The following LRRC8C variants were observed in gnomAD, a reference collection of about 807,000 sequenced individuals.
LRRC8C encodes the protein leucine rich repeat containing 8 VRAC subunit C, also known as volume-regulated anion channel subunit LRRC8C.
LRRC8C carries 20 observed loss-of-function variants against 55.3 expected under a neutral mutation model. That is an observed-to-expected ratio of 0.36 (90% CI 0.25 to 0.53). The LOEUF (loss-of-function observed/expected upper bound fraction) is 0.53. LRRC8C is among the 20% of genes least tolerant of loss of function. The probability of loss-of-function intolerance (pLI) is 0.92; values close to 1 mark genes in which losing one functional copy is unlikely to be tolerated. For missense variants in LRRC8C, 659 were observed against 951.4 expected (o/e 0.69, Z 4.04); for synonymous variants, 376 against 360.7 (o/e 1.04, Z -0.48).
rs777348875 is a variant in LRRC8C, at chr1:89,713,564, T to C, written c.994T>C (p.Leu332=). Residue 332 remains leucine (L), a synonymous_variant, in exon 3 of 3, where the codon TTG becomes CTG. Transcript: ENST00000370454. This position sits in a 1 kb window ranked among gnomAD's most constrained non-coding sequence, Gnocchi z 5.2. Reference sequence around the variant, plus strand: ...TCTGTGCTTTGTTAGTATCTATGGATTGACGTGCCTTTATACCTTATACTG... The same window carrying C: ...TCTGTGCTTTGTTAGTATCTATGGACTGACGTGCCTTTATACCTTATACTG... ...CYLCFVSIYG[L]TCLYTLYWLF... The C allele has an allele frequency of 1.5e-5, 25 of 1,614,084 alleles. No individual in the cohort carries two copies. The African/African-American group carries it at 3.2e-4, about 21-fold the overall frequency.
At chr1:89,619,832 T>C in the LRRC8C span, among the ~76,000 whole-genome samples, 3 of 152,202 alleles carry the variant, frequency 2.0e-5, no homozygotes, top group Non-Finnish European at 4.4e-5. Context: ...TATTAAATAA[T>C]CTAACCCTCA....
At chr1:89,667,169 C>T (rs1657290627) in intron 1 of LRRC8C, among the ~76,000 whole-genome samples, 1 of 152,056 alleles carries the variant, frequency 6.6e-6, no homozygotes, top group South Asian at 2.1e-4. Flanking sequence ...CCGTTTTCTC[C>T]TCTCTATATG....
chr1:89,686,309 C>G (rs1244914741), intron 1 of LRRC8C, among the ~76,000 whole-genome samples, 161 bp from the exon 2 acceptor site: 1 of 152,186 alleles, frequency 6.6e-6, no homozygotes, highest in Non-Finnish European at 1.5e-5. Context: ...ATTTCCTCAA[C>G]TGGTGATTTT....
Position 89,714,572 on chromosome 1 carries a change from AG to A in LRRC8C, c.2003del (p.Ser668IlefsTer5). 6.2e-7 allele frequency: 1 copy of A among 1,614,172 alleles called. No homozygotes were observed. The highest frequency in any genetic ancestry group is 2.2e-5 in the East Asian group (1 of 44,890). The stretch of plus-strand genomic sequence containing the variant: ...CACCAGCCTGGAACGCCTGTCCTTT[AG>A]TCACAATAAAATAGAGGTGCTGCCT... ...KLTSLERLSFSHNKIEVLPSH... is the reference protein window; with the variant it reads ...KLTSLERLSFXHNKIEVLPSH... On this transcript the variant is annotated frameshift_variant, in exon 3 of 3. Coordinates refer to ENST00000370454, the MANE Select transcript of LRRC8C (RefSeq NM_032270.5). LOFTEE classifies it high-confidence loss of function. This position sits in a 1 kb window ranked among gnomAD's most constrained non-coding sequence, Gnocchi z 4.6.
chr1:89,685,323 G>A (rs1657843610), intron 1 of LRRC8C, among the ~76,000 whole-genome samples: 1 of 108,868 alleles, frequency 9.2e-6, no homozygotes, highest in Non-Finnish European at 1.9e-5. Flanking sequence ...TTTCACGTTA[G>A]CCAGGATGGT....
chr1:89,618,005 C>A, the LRRC8C span, among the ~76,000 whole-genome samples: 19 of 152,234 alleles, frequency 1.2e-4, no homozygotes, highest in South Asian at 3.1e-3. Flanking sequence ...CTCCCCTGAG[C>A]CTTAGAGTCC....
intron 1 of LRRC8C, among the ~76,000 whole-genome samples, chr1:89,662,310 G>T (rs562090181): frequency 6.6e-6 from 1 of 152,354 alleles, no homozygotes; most frequent in African/African-American, 2.4e-5. Flanking sequence ...AGCAAAGCGA[G>T]TGTGCAGGAG....
chr1:89,691,902 T>G (rs1658037065), intron 2 of LRRC8C, among the ~76,000 whole-genome samples: 1 of 152,164 alleles, frequency 6.6e-6, no homozygotes, highest in Non-Finnish European at 1.5e-5. Flanking sequence ...GAATTATAAA[T>G]TAAAATTTTA....
chr1:89,650,171 A>C (rs1390814006), intron 1 of LRRC8C, among the ~76,000 whole-genome samples: 1 of 152,150 alleles, frequency 6.6e-6, no homozygotes, highest in African/African-American at 2.4e-5. Flanking sequence ...ATATACACAA[A>C]CCCACTGCAG....
At chr1:89,685,545 C>T (rs1043517455) in intron 1 of LRRC8C, among the ~76,000 whole-genome samples, 3 of 152,028 alleles carry the variant, frequency 2.0e-5, no homozygotes, top group Admixed American at 1.3e-4. Context: ...GGATGATTGC[C>T]ATAAGATACA....
chr1:89,643,163 C>G (rs965194152), intron 1 of LRRC8C, among the ~76,000 whole-genome samples: 15 of 152,308 alleles, frequency 9.8e-5, no homozygotes, highest in African/African-American at 3.4e-4. Context: ...ACAATCTTGG[C>G]TCACTACAAC....
chr1:89,668,870 C>A (rs1191282665), intron 1 of LRRC8C, among the ~76,000 whole-genome samples: 2 of 152,156 alleles, frequency 1.3e-5, no homozygotes, highest in African/African-American at 2.4e-5. Flanking sequence ...CAATTATATA[C>A]CTTTTATTTC....
chr1:89,645,480 A>G (rs1186585713), intron 1 of LRRC8C, among the ~76,000 whole-genome samples: 7 of 152,208 alleles, frequency 4.6e-5, no homozygotes, highest in African/African-American at 1.7e-4. Context: ...ACACTTCGCA[A>G]TTATGGTGAA....
intron 1 of LRRC8C, among the ~76,000 whole-genome samples, chr1:89,659,059 TTTTGTGTGTG>T (rs1254532544): frequency 0.022 from 1,280 of 59,244 alleles, 56 homozygotes; most frequent in Non-Finnish European, 0.036. Flanking sequence ...TTTTTTTTTT[TTTTGTGTGTG>T]TGTGTGTGTG....
intron 2 of LRRC8C, among the ~76,000 whole-genome samples, chr1:89,707,793 T>C (rs1658526845): frequency 6.6e-6 from 1 of 152,018 alleles, no homozygotes; most frequent in Non-Finnish European, 1.5e-5. Flanking sequence ...CTTCTTCCCT[T>C]CTAACCTGTC....
At chr1:89,672,268 G>A (rs1328593665) in intron 1 of LRRC8C, among the ~76,000 whole-genome samples, 1 of 151,896 alleles carries the variant, frequency 6.6e-6, no homozygotes, top group Non-Finnish European at 1.5e-5. Flanking sequence ...AGTAGTTCAG[G>A]TCCTAACATA....
rs188874659 is a variant in LRRC8C, at chr1:89,647,532, T to C, written c.-5+14210T>C. Reference sequence around the variant, plus strand: ...AATACTAAAAAGCAGCACAAAAGCATGAAATTGACTTGCCGCTTCTGAAAG... The same window carrying C: ...AATACTAAAAAGCAGCACAAAAGCACGAAATTGACTTGCCGCTTCTGAAAG... On this transcript the variant is annotated intron_variant, in intron 1 of 2. Coordinates refer to ENST00000370454, the MANE Select transcript of LRRC8C (RefSeq NM_032270.5). Among the ~76,000 whole-genome samples the C allele has an allele frequency of 2.0e-5, 3 of 152,304 alleles. No homozygotes were observed. In the East Asian group the frequency reaches 5.8e-4, roughly 29 times the overall value.
At chr1:89,690,844 T>C (rs755351902) in intron 2 of LRRC8C, among the ~76,000 whole-genome samples, 21 of 152,288 alleles carry the variant, frequency 1.4e-4, no homozygotes, top group Non-Finnish European at 2.6e-4. Flanking sequence ...AATCAGTGGC[T>C]CCTGCTCAGA....
In LRRC8C at chr1:89,717,057, ATAG is replaced by A. The variant is rs1478911209; in HGVS notation, c.*2077_*2079del. 1 of 152,186 alleles carries A rather than the reference ATAG, an allele frequency of 6.6e-6. No homozygotes were observed. The highest frequency in any genetic ancestry group is 2.4e-5 in the African/African-American group (1 of 41,456). 9.4% of individuals were successfully genotyped at this position (152,186 alleles called of 1,614,324 possible). A position where few individuals can be genotyped will look rare whatever the true frequency, so the allele number is the denominator to read the frequency against. On this transcript the variant is annotated 3_prime_UTR_variant, in exon 3 of 3. Coordinates refer to ENST00000370454, the MANE Select transcript of LRRC8C (RefSeq NM_032270.5). The stretch of plus-strand genomic sequence containing the variant: ...ATGTGCTCAGAATAATAACATGGTT[ATAG>A]TTCTTGTATGATAAAGTATTCAATT...
Sources: gnomAD v4.1 joint callset for allele counts (sites outside exome capture counted in the v4.1 genomes callset) on GRCh38, gnomAD v4.1.1 for gene constraint, Gnocchi (gnomAD v3.1) non-coding constraint, MANE v1.5 for transcripts, NCBI Gene and HGNC (gene_info 2026-07-23, HGNC 2026-07-21) for gene names.